The following PDS5A variants were observed in gnomAD, a reference collection of about 807,000 sequenced individuals.
The protein encoded by PDS5A is PDS5 cohesin associated factor A.
In PDS5A, 42 loss-of-function variants were observed where a neutral mutation model predicts 167.1. The ratio of observed to expected loss-of-function variants is 0.25; its 90% CI spans 0.20 to 0.33. The LOEUF (loss-of-function observed/expected upper bound fraction) is 0.33. Among genes scored for constraint, PDS5A ranks in the 10% least tolerant of loss-of-function variants. The pLI is 1.00. For missense variants in PDS5A, 1,033 were observed against 1,605.9 expected (o/e 0.64, Z 6.10); for synonymous variants, 553 against 554.6 (o/e 1.00, Z 0.04).
At position 39,862,302 on chromosome 4, in the gene PDS5A, T is replaced by C. The variant is rs758122641; in HGVS notation, c.3003A>G (p.Val1001=). The C allele has an allele frequency of 2.2e-5, 33 of 1,522,094 alleles. No individual in the cohort carries two copies. The highest frequency in any genetic ancestry group is 3.4e-4 in the Middle Eastern group (2 of 5,928). The allele number at this position is 1,522,094 out of a possible 1,614,324, so 94.3% of individuals were successfully genotyped here. Reference sequence around the variant, plus strand: ...CTAGCAGGTGAATCATGTATGGAACTACATATTCAGGCAACAGTGATAATA... The same window carrying C: ...CTAGCAGGTGAATCATGTATGGAACCACATATTCAGGCAACAGTGATAATA... ...EKLLSLLPEY[V]VPYMIHLLAH... is the part of the protein sequence containing the mutation. The change falls in exon 26 of 33, where the codon GTA becomes GTG. Residue 1001 remains valine (V), a synonymous_variant. Transcript: ENST00000303538.
intron 6 of PDS5A, among the ~76,000 whole-genome samples, chr4:39,922,245 G>T (rs926759947): frequency 6.6e-6 from 1 of 152,144 alleles, no homozygotes; most frequent in African/African-American, 2.4e-5. Flanking sequence ...GTACGATACG[G>T]ATTCTGAAAA....
intron 2 of PDS5A, among the ~76,000 whole-genome samples, chr4:39,962,064 T>TG (rs1729526031): frequency 1.3e-5 from 1 of 75,880 alleles, no homozygotes; most frequent in Non-Finnish European, 3.6e-5. Flanking sequence ...TGAGTTTTTG[T>TG]TTTTTTTTTT....
chr4:39,849,151 C>G (rs1483325043), intron 27 of PDS5A, among the ~76,000 whole-genome samples, 181 bp from the exon 28 acceptor site: 1 of 152,120 alleles, frequency 6.6e-6, no homozygotes, highest in Non-Finnish European at 1.5e-5. Context: ...AAAAATCCCT[C>G]TATATGAATT....
chr4:39,951,808 G>A (rs1166964071), intron 2 of PDS5A, among the ~76,000 whole-genome samples: 1 of 148,274 alleles, frequency 6.7e-6, no homozygotes, highest in Non-Finnish European at 1.5e-5. Flanking sequence ...GCTGAGGCAG[G>A]AGAATCGCCT....
rs150477162 is a variant in PDS5A at position 39,969,055 on chromosome 4, G to A, written c.138+7385C>T. On this transcript the variant is annotated intron_variant, in intron 2 of 32. Coordinates refer to ENST00000303538, the MANE Select transcript of PDS5A (RefSeq NM_001100399.2). ...ATCCCAAAGTGCTGGGATTACAGGC[G>A]TAAGCCACCGTGCCAGCTATTTGTG... is the stretch of plus-strand genomic sequence containing the variant. Among the ~76,000 whole-genome samples, 10 of 152,318 alleles carry A rather than the reference G, an allele frequency of 6.6e-5. No homozygotes were observed. The East Asian group carries it at 1.9e-3, about 29-fold the overall frequency.
chr4:39,937,413 T>G (rs1726727589), intron 2 of PDS5A, among the ~76,000 whole-genome samples: 1 of 152,154 alleles, frequency 6.6e-6, no homozygotes. Context: ...ATTAAAAATT[T>G]TTTTTAATTT....
At chr4:39,872,172 CTTTT>C (rs35032799) in intron 21 of PDS5A, among the ~76,000 whole-genome samples, 7 of 95,484 alleles carry the variant, frequency 7.3e-5, no homozygotes, top group Non-Finnish European at 6.8e-5. Flanking sequence ...AGTCCACTTA[CTTTT>C]TTTTTTTTTT....
rs116324079 is a variant in PDS5A at position 39,839,076 on chromosome 4, A to C, written c.3658-868T>G. On this transcript the variant is annotated intron_variant, in intron 31 of 32. Coordinates refer to ENST00000303538, the MANE Select transcript of PDS5A (RefSeq NM_001100399.2). ...TAACTCTCAATGTAACTCAATGTCT[A>C]TGGCAATATGCATTTTTCTATGTAA... 4.4e-3 allele frequency among the ~76,000 whole-genome samples: 668 copies of C among 152,278 alleles called. 9 individuals are homozygous for C. The highest frequency in any genetic ancestry group is 0.015 in the African/African-American group (643 of 41,560).
chr4:39,975,280 C>G (rs1056240395), intron 2 of PDS5A, among the ~76,000 whole-genome samples: 19 of 152,030 alleles, frequency 1.2e-4, no homozygotes, highest in Non-Finnish European at 2.6e-4. Context: ...TTGTCTTATT[C>G]CTTCCAAAAA....
At chr4:39,922,419 AATGAAACTCCTACATG>A (rs1442085393) in intron 6 of PDS5A, among the ~76,000 whole-genome samples, 187 bp downstream of exon 6, 9 of 152,238 alleles carry the variant, frequency 5.9e-5, no homozygotes, top group Non-Finnish European at 4.4e-5. Flanking sequence ...CACTTAAATG[AATGAAACTCCTACATG>A]ATATGTTAAT....
intron 32 of PDS5A, among the ~76,000 whole-genome samples, chr4:39,828,747 T>G (rs1484345545): frequency 6.6e-6 from 1 of 152,228 alleles, no homozygotes; most frequent in Non-Finnish European, 1.5e-5. Flanking sequence ...GGTGGGATTC[T>G]GTACTCAGAT....
At chr4:39,857,665 C>T (rs28810145) in intron 26 of PDS5A, among the ~76,000 whole-genome samples, 1,635 of 152,020 alleles carry the variant, frequency 0.011, 35 homozygotes, top group African/African-American at 0.037. Flanking sequence ...ACCACAAAGA[C>T]TGTAGTGATA....
chr4:39,862,735 T>C (rs1160190837), intron 25 of PDS5A, 134 bp downstream of exon 25: 4 of 631,026 alleles, frequency 6.3e-6, no homozygotes, highest in Non-Finnish European at 1.1e-5. Flanking sequence ...ACATCATAAC[T>C]ACAATGACAG....
chr4:39,937,213 A>G (rs1003852663), intron 2 of PDS5A, among the ~76,000 whole-genome samples: 9 of 152,140 alleles, frequency 5.9e-5, no homozygotes, highest in Non-Finnish European at 8.8e-5. Context: ...CCCCATCCTG[A>G]AGCTATCTAG....
rs543204167 is a variant in PDS5A at position 39,874,195 on chromosome 4, A to G, written c.2277+94T>C. 9.2e-5 allele frequency: 96 copies of G among 1,042,752 alleles called. 1 individual carries two copies. In the South Asian group the frequency reaches 1.5e-3, roughly 16 times the overall value. The allele number at this position is 1,042,752 out of a possible 1,614,324, so 64.6% of individuals were successfully genotyped here. On this transcript the variant is annotated intron_variant, in intron 20 of 32. Transcript: ENST00000303538. ...TATAGTCTAAGGTAGGACTTCATAT[A>G]AACAGCTTTAAAAAATCTAGCTTCC...
At chr4:39,836,614 T>A (rs970874442) in intron 32 of PDS5A, among the ~76,000 whole-genome samples, 10 of 70,162 alleles carry the variant, frequency 1.4e-4, no homozygotes, top group Non-Finnish European at 9.6e-5. Flanking sequence ...GATTTTTTTC[T>A]ATTTTTTTTT....
intron 31 of PDS5A, among the ~76,000 whole-genome samples, chr4:39,839,116 A>G (rs1716711202): frequency 6.6e-6 from 1 of 152,194 alleles, no homozygotes; most frequent in Non-Finnish European, 1.5e-5. Context: ...GTTTAAGTCA[A>G]GACTGCTTAA....
chr4:39,849,033 C>A, intron 27 of PDS5A, 63 bp from the exon 28 acceptor site: 1 of 1,104,210 alleles, frequency 9.1e-7, no homozygotes. Flanking sequence ...ATTACCAATT[C>A]CACTAAATGT....
intron 2 of PDS5A, chr4:39,973,719 C>A (rs1022528160): frequency 1.6e-6 from 2 of 1,284,896 alleles, no homozygotes; most frequent in Non-Finnish European, 2.3e-6. Flanking sequence ...ACTTCACTAA[C>A]CAGCATATGC....
Sources: allele counts gnomAD v4.1 joint callset (sites outside exome capture counted in the v4.1 genomes callset), GRCh38; gene constraint gnomAD v4.1.1; transcripts MANE v1.5; gene names NCBI Gene and HGNC (gene_info 2026-07-23, HGNC 2026-07-21).